Variants in MAGI2 observed in about 807,000 individuals in gnomAD.
The protein encoded by MAGI2 is membrane-associated guanylate kinase, WW and PDZ domain-containing protein 2.
Under a neutral mutation model 133.3 loss-of-function variants are expected in MAGI2, and 35 were observed. The observed-to-expected ratio is 0.26, with a 90% CI of 0.20 to 0.35. The LOEUF is 0.35. MAGI2 is among the 10% of genes least tolerant of loss of function. The pLI is 1.00. For missense variants in MAGI2, 1,636 were observed against 1,863.4 expected, an observed-to-expected ratio of 0.88 and a Z score of 2.25; for synonymous variants, 729 against 710.6, an observed-to-expected ratio of 1.03 and a Z score of -0.41.
chr7:79,368,835 G>A (rs183922418), intron 1 of MAGI2, among the ~76,000 whole-genome samples: 4,336 of 126,942 alleles, frequency 0.034, 232 homozygotes, highest in African/African-American at 0.12. Context: ...GCGACAGAGC[G>A]AGACTCCGTC....
intron 1 of MAGI2, among the ~76,000 whole-genome samples, chr7:79,258,708 T>A (rs977577247): frequency 1.3e-5 from 2 of 152,206 alleles, no homozygotes; most frequent in African/African-American, 4.8e-5. Context: ...TGGCATACTA[T>A]GGCCTTGAAC....
intron 4 of MAGI2, among the ~76,000 whole-genome samples, chr7:78,516,954 C>T (rs753715493): frequency 1.3e-5 from 2 of 152,144 alleles, no homozygotes; most frequent in Non-Finnish European, 2.9e-5. Flanking sequence ...GGTTTGCTTG[C>T]TTGTTCTGTG....
intron 1 of MAGI2, among the ~76,000 whole-genome samples, chr7:79,065,029 A>G (rs140124877): frequency 0.016 from 2,358 of 152,070 alleles, 33 homozygotes; most frequent in Non-Finnish European, 0.024. Context: ...ATTTATTCAC[A>G]CTAGATTACC....
chr7:78,385,490 A>G (rs149542933), intron 6 of MAGI2, among the ~76,000 whole-genome samples: 5 of 152,308 alleles, frequency 3.3e-5, no homozygotes, highest in South Asian at 2.1e-4. Context: ...AACTGTAACA[A>G]TGAAATTTCT....
chr7:78,326,528 C>T (rs2151137221), intron 9 of MAGI2, among the ~76,000 whole-genome samples: 1 of 152,262 alleles, frequency 6.6e-6, no homozygotes, highest in East Asian at 1.9e-4. Context: ...TGAAAGGATG[C>T]CTGATGCATG....
intron 2 of MAGI2, among the ~76,000 whole-genome samples, chr7:78,644,137 T>G (rs1288904175): frequency 1.3e-5 from 2 of 152,070 alleles, no homozygotes; most frequent in African/African-American, 4.8e-5. Flanking sequence ...AAAAAAATAC[T>G]AAATGTTTAT....
rs192835276 is a variant in MAGI2 at position 78,622,621 on chromosome 7, C to G, written c.538+4499G>C. On this transcript the variant is annotated intron_variant, in intron 3 of 21. Transcript: ENST00000354212. The stretch of plus-strand genomic sequence containing the variant: ...AAATGAAAACAAAAAACAAAACTCC[C>G]AAAAAACACATTAAGTGGTAGCCCT... Among the ~76,000 whole-genome samples the G allele has an allele frequency of 1.9e-3, 292 of 151,952 alleles. 1 individual carries two copies. Among genetic ancestry groups the G allele is most frequent in the Middle Eastern group, 3.4e-3 (1 of 294 alleles).
At chr7:78,722,897 C>G (rs978345820) in intron 2 of MAGI2, among the ~76,000 whole-genome samples, 1 of 151,718 alleles carries the variant, frequency 6.6e-6, no homozygotes, top group Non-Finnish European at 1.5e-5. Flanking sequence ...CCTCCTAAAG[C>G]CATATAGCTT....
chr7:78,333,035 T>C (rs1789391663), intron 9 of MAGI2, among the ~76,000 whole-genome samples: 1 of 152,236 alleles, frequency 6.6e-6, no homozygotes, highest in East Asian at 1.9e-4. Flanking sequence ...AATGATGTTA[T>C]GTCATGGCAG....
chr7:78,688,811 C>T (rs1416025830), intron 2 of MAGI2, among the ~76,000 whole-genome samples: 2 of 152,004 alleles, frequency 1.3e-5, no homozygotes, highest in Non-Finnish European at 2.9e-5. Flanking sequence ...TTTTAGAACG[C>T]TAAAATACAA....
chr7:78,293,182 C>T (rs1470830369), intron 9 of MAGI2, among the ~76,000 whole-genome samples: 2 of 152,002 alleles, frequency 1.3e-5, no homozygotes, highest in Non-Finnish European at 2.9e-5. Context: ...TATAGTCTAC[C>T]CATCTGACAA....
At chr7:79,073,430 T>C (rs1584861956) in intron 1 of MAGI2, among the ~76,000 whole-genome samples, 1 of 152,194 alleles carries the variant, frequency 6.6e-6, no homozygotes, top group African/African-American at 2.4e-5. Context: ...TGTTAATTTT[T>C]ATTCTCAAAA....
At chr7:79,207,452 A>T (rs1262082780) in intron 1 of MAGI2, among the ~76,000 whole-genome samples, 3 of 151,980 alleles carry the variant, frequency 2.0e-5, no homozygotes, top group African/African-American at 7.3e-5. Context: ...GAAATAAAAC[A>T]ATTCCACTTA....
intron 1 of MAGI2, among the ~76,000 whole-genome samples, chr7:79,075,103 A>G (rs920847021): frequency 2.0e-5 from 3 of 152,228 alleles, no homozygotes; most frequent in Non-Finnish European, 4.4e-5. Flanking sequence ...AGAACTATGT[A>G]GCAGGGGAAA....
chr7:78,854,657 T>A, intron 2 of MAGI2, among the ~76,000 whole-genome samples: 1 of 152,026 alleles, frequency 6.6e-6, no homozygotes. Context: ...TTCCTTTTTT[T>A]TTTTTTATTA....
chr7:79,105,140 CT>C (rs1484407659), intron 1 of MAGI2, among the ~76,000 whole-genome samples: 1 of 152,220 alleles, frequency 6.6e-6, no homozygotes, highest in African/African-American at 2.4e-5. Context: ...TCAGCCTTTG[CT>C]GCAGTTATGC....
rs1413268857 is a variant in MAGI2, at chr7:78,342,250, A to G, written c.1408+1528T>C. Among the ~76,000 whole-genome samples the G allele has an allele frequency of 2.0e-5, 3 of 152,214 alleles. No individual in the cohort carries two copies. In the East Asian group the frequency reaches 5.8e-4, roughly 29 times the overall value. On this transcript the variant is annotated intron_variant, in intron 9 of 21. Coordinates refer to ENST00000354212, the MANE Select transcript of MAGI2 (RefSeq NM_012301.4). Reference sequence around the variant, plus strand: ...CAGAGAAATGCAAATCAAAACCACAATGAGATACCATCTCATGCCAGTTAG... The same window carrying G: ...CAGAGAAATGCAAATCAAAACCACAGTGAGATACCATCTCATGCCAGTTAG...
intron 3 of MAGI2, among the ~76,000 whole-genome samples, chr7:78,612,793 C>T (rs984956470): frequency 8.5e-5 from 13 of 152,128 alleles, no homozygotes; most frequent in Admixed American, 3.3e-4. Flanking sequence ...CCTCAGCCTC[C>T]CGAGAAGCTG....
intron 18 of MAGI2, among the ~76,000 whole-genome samples, chr7:78,129,931 G>T (rs574272288): frequency 2.9e-3 from 183 of 63,312 alleles, no homozygotes; most frequent in Non-Finnish European, 3.8e-3. Flanking sequence ...GGGAAACTCC[G>T]CCTCAAAAAA....
Sources: gnomAD v4.1 joint callset for allele counts (sites outside exome capture counted in the v4.1 genomes callset) on GRCh38, gnomAD v4.1.1 for gene constraint, MANE v1.5 for transcripts, NCBI Gene and HGNC (gene_info 2026-07-23, HGNC 2026-07-21) for gene names.